CAST: variants seen among roughly 807,000 people sequenced by gnomAD.
CAST encodes calpastatin, also known as MIR583 host.
CAST carries 76 observed loss-of-function variants against 119.6 expected under a neutral mutation model. The ratio of observed to expected loss-of-function variants is 0.64; its 90% CI spans 0.53 to 0.77. CAST has a LOEUF of 0.77. Among genes scored for constraint, CAST ranks in the 30% least tolerant of loss-of-function variants. CAST has a pLI of 0.00. For missense variants in CAST, 953 were observed against 946.5 expected (o/e 1.01, Z -0.09); for synonymous variants, 319 against 331.6 (o/e 0.96, Z 0.41).
At chr5:96,348,141 G>A in the CAST span, among the ~76,000 whole-genome samples, 1 of 152,226 alleles carries the variant, frequency 6.6e-6, no homozygotes, top group South Asian at 2.1e-4. Context: ...GGTCAATGAT[G>A]ACCTTGTCAA....
At chr5:96,367,096 C>G in the CAST span, among the ~76,000 whole-genome samples, 5 of 152,202 alleles carry the variant, frequency 3.3e-5, no homozygotes, top group Non-Finnish European at 5.9e-5. Context: ...AGGTCTGCTC[C>G]AGACCTGTTT....
At chr5:96,115,439 A>AT in the CAST span, among the ~76,000 whole-genome samples, 2 of 152,214 alleles carry the variant, frequency 1.3e-5, no homozygotes, top group Non-Finnish European at 2.9e-5. Flanking sequence ...TAACTCATTG[A>AT]TTCCTCAGAA....
At chr5:96,564,529 A>C (rs1052599374) in intron 1 of CAST, among the ~76,000 whole-genome samples, 1 of 152,260 alleles carries the variant, frequency 6.6e-6, no homozygotes, top group African/African-American at 2.4e-5. Flanking sequence ...TATCCAGATA[A>C]TACCTTGCTG....
the CAST span, among the ~76,000 whole-genome samples, chr5:96,263,401 C>T: frequency 7.2e-5 from 11 of 151,990 alleles, no homozygotes; most frequent in African/African-American, 2.4e-4. Context: ...GTCAAGGACC[C>T]CACTGAGAGT....
the CAST span, chr5:95,961,539 CCT>C: frequency 2.0e-5 from 31 of 1,530,068 alleles, no homozygotes; most frequent in Non-Finnish European, 2.5e-5. Context: ...GTGCGCTCTG[CCT>C]CTCTGAGCCC....
chr5:96,060,816 A>G, the CAST span, among the ~76,000 whole-genome samples: 4 of 152,086 alleles, frequency 2.6e-5, no homozygotes, highest in African/African-American at 9.7e-5. Context: ...AATACCATAG[A>G]CTGGGTGGCT....
chr5:96,088,406 G>A, the CAST span, among the ~76,000 whole-genome samples: 1 of 152,110 alleles, frequency 6.6e-6, no homozygotes, highest in Non-Finnish European at 1.5e-5. Flanking sequence ...GCTCAGCAAG[G>A]GGAACATTTT....
chr5:96,092,504 T>G, the CAST span, among the ~76,000 whole-genome samples: 3 of 152,222 alleles, frequency 2.0e-5, no homozygotes, highest in Non-Finnish European at 4.4e-5. Context: ...TAGGTTTTCA[T>G]GTAGCTTCAT....
intron 1 of CAST, among the ~76,000 whole-genome samples, chr5:96,612,791 A>T (rs1013713043): frequency 6.6e-6 from 1 of 152,128 alleles, no homozygotes; most frequent in African/African-American, 2.4e-5. Flanking sequence ...AGATGTTTAG[A>T]TCTCTTATCA....
chr5:96,257,995 A>AC, the CAST span, among the ~76,000 whole-genome samples: 1 of 152,220 alleles, frequency 6.6e-6, no homozygotes, highest in Non-Finnish European at 1.5e-5. Context: ...GATTCCAGCC[A>AC]CTAAAGGCTC....
the CAST span, among the ~76,000 whole-genome samples, chr5:96,389,295 A>G: frequency 6.6e-6 from 1 of 152,124 alleles, no homozygotes; most frequent in African/African-American, 2.4e-5. Flanking sequence ...GAGAGAATGG[A>G]TATGTTAATT....
At chr5:95,992,326 T>C in the CAST span, among the ~76,000 whole-genome samples, 1 of 152,060 alleles carries the variant, frequency 6.6e-6, no homozygotes, top group East Asian at 1.9e-4. Flanking sequence ...AAAAAGAAAT[T>C]GACTTTAACA....
the CAST span, among the ~76,000 whole-genome samples, chr5:96,479,163 C>T: frequency 2.0e-5 from 3 of 152,202 alleles, no homozygotes; most frequent in African/African-American, 7.2e-5. Flanking sequence ...CTGCTTAGTA[C>T]AGGCTCTTCC....
At chr5:96,487,707 A>G in the CAST span, among the ~76,000 whole-genome samples, 3 of 152,226 alleles carry the variant, frequency 2.0e-5, no homozygotes, top group Admixed American at 2.0e-4. Flanking sequence ...TCTTTAAGCC[A>G]TAATTTAAAT....
chr5:96,368,198 G>GT, the CAST span, among the ~76,000 whole-genome samples: 1 of 148,902 alleles, frequency 6.7e-6, no homozygotes. Context: ...TTTAAAAATT[G>GT]TTTGAATTTC....
At chr5:95,984,322 T>G in the CAST span, among the ~76,000 whole-genome samples, 1 of 152,206 alleles carries the variant, frequency 6.6e-6, no homozygotes, top group South Asian at 2.1e-4. Flanking sequence ...ATTCATTTAC[T>G]TTAAATTTTA....
chr5:96,186,383 C>T, the CAST span, among the ~76,000 whole-genome samples: 7,035 of 152,064 alleles, frequency 0.046, 578 homozygotes, highest in African/African-American at 0.16. Context: ...TCCAATACTA[C>T]ATTGGGTAGG....
the CAST span, among the ~76,000 whole-genome samples, chr5:96,118,223 CTT>C: frequency 6.8e-6 from 1 of 146,242 alleles, no homozygotes. Flanking sequence ...TTTTCTCTCT[CTT>C]TTTTTTTTTA....
chr5:96,396,205 C>T, the CAST span, among the ~76,000 whole-genome samples: 2 of 152,070 alleles, frequency 1.3e-5, no homozygotes, highest in African/African-American at 4.8e-5. Context: ...ATGTAACAAA[C>T]GACTATAGAA....
Sources: gnomAD v4.1 joint callset for allele counts (sites outside exome capture counted in the v4.1 genomes callset) on GRCh38, gnomAD v4.1.1 for gene constraint, MANE v1.5 for transcripts, NCBI Gene and HGNC (gene_info 2026-07-23, HGNC 2026-07-21) for gene names.